Variants in FOXK1 observed in about 807,000 individuals in gnomAD.
FOXK1 encodes forkhead box K1, also known as forkhead box protein K1.
FOXK1 carries 19 observed loss-of-function variants against 51.9 expected under a neutral mutation model. The ratio of observed to expected loss-of-function variants is 0.37; its 90% CI spans 0.26 to 0.54. The LOEUF is 0.54. Among genes scored for constraint, FOXK1 ranks in the 20% least tolerant of loss-of-function variants. The probability of loss-of-function intolerance (pLI) is 0.87; values close to 1 mark genes in which losing one functional copy is unlikely to be tolerated. For missense variants in FOXK1, 870 were observed against 1,032.7 expected, an observed-to-expected ratio of 0.84 and a Z score of 2.16; for synonymous variants, 537 against 482.6, an observed-to-expected ratio of 1.11 and a Z score of -1.48.
intron 1 of FOXK1, among the ~76,000 whole-genome samples, chr7:4,690,393 G>A (rs1234126230): frequency 6.6e-6 from 1 of 152,238 alleles, no homozygotes; most frequent in Admixed American, 6.5e-5. Context: ...CTAGTTGGCA[G>A]TTTTTGTGTA....
At chr7:4,754,657 G>C in intron 3 of FOXK1, 42 bp downstream of exon 3, 1 of 1,585,636 alleles carries the variant, frequency 6.3e-7, no homozygotes, top group South Asian at 1.1e-5. Flanking sequence ...GGTGACCCAG[G>C]ATCGGGCCAT....
chr7:4,691,455 C>T (rs1337215043), intron 1 of FOXK1, among the ~76,000 whole-genome samples: 2 of 152,200 alleles, frequency 1.3e-5, no homozygotes, highest in Non-Finnish European at 2.9e-5. Flanking sequence ...CTGCCCCAGC[C>T]TCCCGAGTAG....
chr7:4,686,798 G>T (rs758491704), intron 1 of FOXK1, among the ~76,000 whole-genome samples: 2 of 151,308 alleles, frequency 1.3e-5, no homozygotes, highest in African/African-American at 2.4e-5. Flanking sequence ...ATTTAGTCTG[G>T]TGTCCTAAAA....
chr7:4,686,590 C>T lies in FOXK1; in HGVS notation c.560+3722C>T, dbSNP rs546321633. 2.0e-4 allele frequency among the ~76,000 whole-genome samples: 31 copies of T among 152,204 alleles called. No homozygotes were observed. In the East Asian group the frequency reaches 5.4e-3, roughly 27 times the overall value. The stretch of plus-strand genomic sequence containing the variant: ...GCTTGGTGTTGACTTGGAGGAACTG[C>T]CCGGGTCTCCGTGATAGCGTTTCTT... On this transcript the variant is annotated intron_variant, in intron 1 of 8. Transcript: ENST00000328914.
In FOXK1 at chr7:4,759,044, C is replaced by T; in HGVS notation, c.1245-7C>T. ...GCTGACTGCCGCGGCCCTTGCCTGT[C>T]TTCCAGGAGCGCTCCAGCTTCGCCC... On this transcript the variant is annotated splice_polypyrimidine_tract_variant and splice_region_variant and intron_variant, in intron 5 of 8. Coordinates refer to ENST00000328914, the MANE Select transcript of FOXK1 (RefSeq NM_001037165.2). 4.4e-6 allele frequency: 7 copies of T among 1,583,548 alleles called. No individual in the cohort carries two copies. The highest frequency in any genetic ancestry group is 3.4e-5 in the South Asian group (3 of 87,192).
Position 4,770,047 on chromosome 7 carries a change from A to C in FOXK1, c.*7583A>C, listed in dbSNP as rs1275339910. 2 of 152,144 alleles carry C rather than the reference A, an allele frequency of 1.3e-5. No individual in the cohort carries two copies. Among genetic ancestry groups the C allele is most frequent in the Admixed American group, 6.6e-5 (1 of 15,252 alleles). The allele number at this position is 152,144 out of a possible 1,614,324, so 9.4% of individuals were successfully genotyped here. On this transcript the variant is annotated 3_prime_UTR_variant, in exon 9 of 9. Transcript: ENST00000328914. ...TCTAGAGGTAAAAGCAGCTTCTAGA[A>C]CTGGCCCCTAAGTCTCCAAATGTGT...
chr7:4,688,389 C>T (rs528035731), intron 1 of FOXK1, among the ~76,000 whole-genome samples: 4 of 149,794 alleles, frequency 2.7e-5, no homozygotes, highest in African/African-American at 4.9e-5. Flanking sequence ...TTTTTCTTTT[C>T]TTTTCTTTTT....
chr7:4,701,395 G>A (rs1294586126), intron 1 of FOXK1, among the ~76,000 whole-genome samples: 2 of 152,120 alleles, frequency 1.3e-5, no homozygotes, highest in Admixed American at 6.6e-5. Context: ...TTTAGCCACC[G>A]TGCCCAGCCA....
chr7:4,739,687 A>G (rs941014296), intron 1 of FOXK1, among the ~76,000 whole-genome samples: 5 of 152,208 alleles, frequency 3.3e-5, no homozygotes, highest in Non-Finnish European at 5.9e-5. Flanking sequence ...AAGCCGGTCC[A>G]TTAAGCTCTG....
chr7:4,694,326 A>G (rs1779926928), intron 1 of FOXK1, among the ~76,000 whole-genome samples: 1 of 152,114 alleles, frequency 6.6e-6, no homozygotes, highest in African/African-American at 2.4e-5. Context: ...GCCACTTTGG[A>G]TAAACATAAA....
At chr7:4,714,486 G>A (rs1435038771) in intron 1 of FOXK1, among the ~76,000 whole-genome samples, 3 of 152,146 alleles carry the variant, frequency 2.0e-5, no homozygotes, top group Non-Finnish European at 4.4e-5. Flanking sequence ...CATTGCCCAA[G>A]CTGGTCTCCA....
intron 2 of FOXK1, among the ~76,000 whole-genome samples, chr7:4,750,699 C>T (rs1055810616): frequency 6.8e-6 from 1 of 147,856 alleles, no homozygotes; most frequent in East Asian, 1.9e-4. Context: ...CCACCCGCCT[C>T]GGTCTCCCAT....
chr7:4,723,172 G>A lies in FOXK1; in HGVS notation c.561-17666G>A, dbSNP rs570823245. 3.3e-5 allele frequency among the ~76,000 whole-genome samples: 5 copies of A among 151,994 alleles called. No homozygotes were observed. In the East Asian group the frequency reaches 5.8e-4, roughly 18 times the overall value. On this transcript the variant is annotated intron_variant, in intron 1 of 8. Transcript: ENST00000328914. The surrounding 1 kb of genome is among the most constrained non-coding windows in gnomAD (Gnocchi z 4.7). ...AGCTTCAAAGCACTGGGTCCAGGGC[G>A]CCTGCTCGCGGTCACCCATAGGGTG...
At chr7:4,725,340 C>CG (rs1780366046) in intron 1 of FOXK1, among the ~76,000 whole-genome samples, 1 of 152,210 alleles carries the variant, frequency 6.6e-6, no homozygotes, top group African/African-American at 2.4e-5. Context: ...TTGGTCTGAC[C>CG]GGGGGCGCTG....
At position 4,749,489 on chromosome 7, in the gene FOXK1, C is replaced by T. The variant is rs1780747753; in HGVS notation, c.747-4970C>T. Reference sequence around the variant, plus strand: ...TTCCCCCAGGAGGCTTCAGGTGCCGCCTTGGGACGCAAAGGTCATCGCAGA... The same window carrying T: ...TTCCCCCAGGAGGCTTCAGGTGCCGTCTTGGGACGCAAAGGTCATCGCAGA... On this transcript the variant is annotated intron_variant, in intron 2 of 8. Transcript: ENST00000328914. This position sits in a 1 kb window ranked among gnomAD's most constrained non-coding sequence, Gnocchi z 6.0. 6.6e-6 allele frequency among the ~76,000 whole-genome samples: 1 copy of T among 152,182 alleles called. No homozygotes were observed. The highest frequency in any genetic ancestry group is 1.5e-5 in the Non-Finnish European group (1 of 68,020).
chr7:4,746,850 G>A (rs1034019519), intron 2 of FOXK1, among the ~76,000 whole-genome samples: 10 of 152,296 alleles, frequency 6.6e-5, no homozygotes, highest in African/African-American at 2.4e-4. Flanking sequence ...ATCCAGTGAG[G>A]GTCCCTCTTC....
chr7:4,697,335 A>G (rs1779966095), intron 1 of FOXK1, among the ~76,000 whole-genome samples: 1 of 152,228 alleles, frequency 6.6e-6, no homozygotes, highest in South Asian at 2.1e-4. Context: ...CTGAACAGCT[A>G]GCCGGTATTC....
At position 4,761,027 on chromosome 7, in the gene FOXK1, G is replaced by C; in HGVS notation, c.1697-37G>C. 1 of 1,578,454 alleles carries C rather than the reference G, an allele frequency of 6.3e-7. No individual in the cohort carries two copies. The highest frequency in any genetic ancestry group is 1.1e-5 in the South Asian group (1 of 90,338). On this transcript the variant is annotated intron_variant, in intron 7 of 8. Coordinates refer to ENST00000328914, the MANE Select transcript of FOXK1 (RefSeq NM_001037165.2). This position sits in a 1 kb window ranked among gnomAD's most constrained non-coding sequence, Gnocchi z 6.2. ...CGTCGAGGAAATCGATTGTCTCGTT[G>C]GCCGAGTGTGGTGCTGACTTGGTTC...
In FOXK1 at chr7:4,747,242, A is replaced by T. The variant is rs987663606; in HGVS notation, c.746+6219A>T. 2.0e-5 allele frequency among the ~76,000 whole-genome samples: 3 copies of T among 152,030 alleles called. No homozygotes were observed. The highest frequency in any genetic ancestry group is 7.2e-5 in the African/African-American group (3 of 41,408). ...CCTGTTGCATGGCTTCTGTGCGGGC[A>T]TGTTACGCACGAGGACAGCCCTTTC... is the stretch of plus-strand genomic sequence containing the variant. On this transcript the variant is annotated intron_variant, in intron 2 of 8. Coordinates refer to ENST00000328914, the MANE Select transcript of FOXK1 (RefSeq NM_001037165.2). The surrounding 1 kb of genome is among the most constrained non-coding windows in gnomAD (Gnocchi z 9.2).
Sources: gnomAD v4.1 joint callset for allele counts (sites outside exome capture counted in the v4.1 genomes callset) on GRCh38, gnomAD v4.1.1 for gene constraint, Gnocchi (gnomAD v3.1) non-coding constraint, MANE v1.5 for transcripts, NCBI Gene and HGNC (gene_info 2026-07-23, HGNC 2026-07-21) for gene names.